Variants in LBH observed in about 807,000 individuals in gnomAD.
The protein encoded by LBH is LBH regulator of Wnt signaling pathway.
A neutral mutation model predicts 12.5 loss-of-function variants in LBH; 7 were observed. The observed-to-expected ratio is 0.56, with a 90% CI of 0.32 to 1.05. The LOEUF is 1.05. Among genes scored for constraint, LBH ranks in the 50% least tolerant of loss-of-function variants. The pLI, the probability that LBH is intolerant of heterozygous loss-of-function variation, is 0.04. For synonymous variants in LBH, 51 were observed against 50.1 expected (o/e 1.02, Z -0.08); for missense variants, 119 against 138.9 (o/e 0.86, Z 0.72).
In LBH at chr2:30,231,584, C is replaced by T. The variant is rs1242866451; in HGVS notation, c.-155C>T. ...AGTTGTGTCCACCTTGCCGACGTCG[C>T]TAGCCGTGGGGCTGTCCTGGGAAGG... On this transcript the variant is annotated 5_prime_UTR_variant, in exon 1 of 3. Transcript: ENST00000395323. The T allele has an allele frequency of 4.4e-6, 3 of 689,618 alleles. No individual in the cohort carries two copies. The allele number at this position is 689,618 out of a possible 1,614,324, so 42.7% of individuals were successfully genotyped here.
At chr2:30,233,575 T>C (rs1399466805) in intron 1 of LBH, among the ~76,000 whole-genome samples, 1 of 152,268 alleles carries the variant, frequency 6.6e-6, no homozygotes, top group African/African-American at 2.4e-5. Context: ...TTCAGCATTA[T>C]GTGCACGGGA....
chr2:30,251,238 A>G (rs1288728841), intron 2 of LBH, among the ~76,000 whole-genome samples: 2 of 151,872 alleles, frequency 1.3e-5, no homozygotes, highest in Non-Finnish European at 2.9e-5. Context: ...GCCACCTTTC[A>G]AGTGCTCCAT....
intron 2 of LBH, among the ~76,000 whole-genome samples, chr2:30,236,959 G>A (rs912173801): frequency 5.9e-5 from 9 of 152,224 alleles, no homozygotes; most frequent in Non-Finnish European, 1.3e-4. Context: ...TGTGCAGTGA[G>A]CTGGTCTGAC....
chr2:30,237,152 T>TCCTCCTAAGGATAATAATAGTA (rs1677702283), intron 2 of LBH, among the ~76,000 whole-genome samples: 1 of 152,222 alleles, frequency 6.6e-6, no homozygotes. Flanking sequence ...TTCTTGGCAT[T>TCCTCCTAAGGATAATAATAGTA]CCTCCTAAGG....
intron 2 of LBH, among the ~76,000 whole-genome samples, chr2:30,248,435 A>G (rs1265843573): frequency 1.3e-5 from 2 of 152,264 alleles, no homozygotes; most frequent in Non-Finnish European, 2.9e-5. Flanking sequence ...AGGGAACCCA[A>G]ACAAGAAATG....
chr2:30,254,616 C>T lies in LBH; in HGVS notation c.130-2817C>T, dbSNP rs1019917879. On this transcript the variant is annotated intron_variant, in intron 2 of 2. Transcript: ENST00000395323. ...TTCCTCCTCTCTTCCTCCTCCTCCT[C>T]CCCCTCCCCCCCTCCTCCTTTTGCT... Among the ~76,000 whole-genome samples the T allele has an allele frequency of 4.1e-5, 6 of 147,546 alleles. No individual in the cohort carries two copies. The South Asian group carries it at 1.4e-3, about 34-fold the overall frequency.
rs2103564950 is a variant in LBH at position 30,257,689 on chromosome 2, G to A, written c.*68G>A. On this transcript the variant is annotated 3_prime_UTR_variant, in exon 3 of 3. Coordinates refer to ENST00000395323, the MANE Select transcript of LBH (RefSeq NM_030915.4). The stretch of plus-strand genomic sequence containing the variant: ...TCCTGAACTGTGTTTTTCCCATCAT[G>A]ACGGAAGAAGAGAGTGAGCCGCAAT... The A allele has an allele frequency of 2.4e-6, 3 of 1,232,196 alleles. No individual in the cohort carries two copies. In the East Asian group the frequency reaches 7.7e-5, roughly 32 times the overall value. The allele number at this position is 1,232,196 out of a possible 1,614,324, so 76.3% of individuals were successfully genotyped here.
At chr2:30,234,349 G>C in intron 1 of LBH, 56 bp from the exon 2 acceptor site, 1 of 1,329,770 alleles carries the variant, frequency 7.5e-7, no homozygotes, top group Non-Finnish European at 1.1e-6. Context: ...TGCATGAAGA[G>C]TTAGGAATGT....
intron 2 of LBH, among the ~76,000 whole-genome samples, chr2:30,251,402 T>C (rs956294233): frequency 6.6e-6 from 1 of 152,172 alleles, no homozygotes; most frequent in Non-Finnish European, 1.5e-5. Flanking sequence ...TGAAGCTCCC[T>C]TGACCTTTCA....
intron 2 of LBH, among the ~76,000 whole-genome samples, chr2:30,253,949 G>A (rs374554325): frequency 1.1e-4 from 17 of 152,308 alleles, no homozygotes; most frequent in African/African-American, 4.1e-4. Flanking sequence ...CTTAACCCAT[G>A]CTATCAAGTG....
chr2:30,248,516 T>C (rs1677916405), intron 2 of LBH, among the ~76,000 whole-genome samples: 1 of 152,064 alleles, frequency 6.6e-6, no homozygotes, highest in Non-Finnish European at 1.5e-5. Flanking sequence ...TAGTTAGAAA[T>C]GGCAGCTGAG....
At chr2:30,234,368 G>T (rs192244175) in intron 1 of LBH, 37 bp from the exon 2 acceptor site, 1 of 1,490,938 alleles carries the variant, frequency 6.7e-7, no homozygotes, top group South Asian at 1.1e-5. Flanking sequence ...GTGAAAGCGC[G>T]TGTGTTTGTT....
intron 2 of LBH, among the ~76,000 whole-genome samples, chr2:30,252,541 C>T (rs1381120399): frequency 6.6e-5 from 10 of 152,000 alleles, no homozygotes; most frequent in Non-Finnish European, 4.4e-5. Flanking sequence ...GGGCGCCTGT[C>T]GTCGAAGCTA....
chr2:30,238,160 C>CT (rs1677720587), intron 2 of LBH, among the ~76,000 whole-genome samples: 1 of 152,222 alleles, frequency 6.6e-6, no homozygotes, highest in Non-Finnish European at 1.5e-5. Context: ...GGCCTGGGCT[C>CT]TGTCTGGGGA....
Position 30,257,785 on chromosome 2 carries a change from C to T in LBH, c.*164C>T, listed in dbSNP as rs916471155. On this transcript the variant is annotated 3_prime_UTR_variant, in exon 3 of 3. Transcript: ENST00000395323. ...CACCGAGTTGGTTTTCTTTTCTTTT[C>T]TTGCCTTTTTTTTTTTTTGAAATTT... 8 of 457,958 alleles carry T rather than the reference C, an allele frequency of 1.7e-5. No individual in the cohort carries two copies. Among genetic ancestry groups the T allele is most frequent in the African/African-American group, 5.5e-5 (2 of 36,258 alleles). The allele number at this position is 457,958 out of a possible 1,614,324, so 28.4% of individuals were successfully genotyped here. A position where few individuals can be genotyped will look rare whatever the true frequency, so the allele number is the denominator to read the frequency against.
chr2:30,247,953 A>G (rs1677904932), intron 2 of LBH, among the ~76,000 whole-genome samples: 1 of 152,214 alleles, frequency 6.6e-6, no homozygotes, highest in South Asian at 2.1e-4. Context: ...TGAAAAAGGC[A>G]AACGACATCT....
At position 30,242,058 on chromosome 2, in the gene LBH, C is replaced by T. The variant is rs559407302; in HGVS notation, c.129+7551C>T. On this transcript the variant is annotated intron_variant, in intron 2 of 2. Transcript: ENST00000395323. Reference sequence around the variant, plus strand: ...TTCAATTGTTGAAATTTTTAGGTTACGTATATTTTCTCTTATAAATATGTA... The same window carrying T: ...TTCAATTGTTGAAATTTTTAGGTTATGTATATTTTCTCTTATAAATATGTA... Among the ~76,000 whole-genome samples, 442 of 151,906 alleles carry T rather than the reference C, an allele frequency of 2.9e-3. 1 individual carries two copies. The highest frequency in any genetic ancestry group is 4.5e-3 in the Non-Finnish European group (304 of 67,970).
At chr2:30,232,109 G>A in intron 1 of LBH, 1 of 1,542,964 alleles carries the variant, frequency 6.5e-7, no homozygotes, top group Non-Finnish European at 8.7e-7. Context: ...GCCCCACTTG[G>A]CGCAGGGGGG....
At chr2:30,248,066 G>A (rs1489607459) in intron 2 of LBH, among the ~76,000 whole-genome samples, 2 of 152,220 alleles carry the variant, frequency 1.3e-5, no homozygotes, top group Non-Finnish European at 2.9e-5. Flanking sequence ...AATAGAATAT[G>A]CCTGATGAGA....
Sources: allele counts gnomAD v4.1 joint callset (sites outside exome capture counted in the v4.1 genomes callset), GRCh38; gene constraint gnomAD v4.1.1; transcripts MANE v1.5; gene names NCBI Gene and HGNC (gene_info 2026-07-23, HGNC 2026-07-21).